ITPR2: variants seen among roughly 807,000 people sequenced by gnomAD.
ITPR2 encodes inositol 1,4,5-trisphosphate receptor type 2.
In ITPR2, 207 loss-of-function variants were observed where a neutral mutation model predicts 317.1. That is an observed-to-expected ratio of 0.65 (90% CI 0.58 to 0.73). The LOEUF (loss-of-function observed/expected upper bound fraction) is 0.73. Ranked by LOEUF, ITPR2 falls within the 30% of genes least tolerant of loss-of-function variation. The pLI, the probability that ITPR2 is intolerant of heterozygous loss-of-function variation, is 0.00. For missense variants in ITPR2, 2,613 were observed against 3,284.0 expected, an observed-to-expected ratio of 0.80 and a Z score of 4.99; for synonymous variants, 1,156 against 1,149.1, an observed-to-expected ratio of 1.01 and a Z score of -0.12.
intron 32 of ITPR2, 101 bp downstream of exon 32, chr12:26,595,364 T>A (rs1039372125): frequency 1.1e-5 from 12 of 1,122,410 alleles, no homozygotes; most frequent in Admixed American, 7.6e-5. Context: ...ATGCAACAAA[T>A]CAAAAGGTAG....
At position 26,666,632 on chromosome 12, in the gene ITPR2, G is replaced by A. The variant is rs181922470; in HGVS notation, c.1410-581C>T. 2.0e-5 allele frequency among the ~76,000 whole-genome samples: 3 copies of A among 152,214 alleles called. No homozygotes were observed. In the East Asian group the frequency reaches 5.8e-4, roughly 29 times the overall value. On this transcript the variant is annotated intron_variant, in intron 13 of 56. Transcript: ENST00000381340. ...TGTACAGAACAGGAAAAACTTAAAT[G>A]ACCTATGAATAGAGACAGAGTAAGC... is the stretch of plus-strand genomic sequence containing the variant.
In ITPR2 at chr12:26,745,614, C is replaced by T. The variant is rs972411289; in HGVS notation, c.164-19849G>A. The stretch of plus-strand genomic sequence containing the variant: ...TAACAAATTCCTCACTTACCAAAGG[C>T]ATATAAGTCTATAGGGGAATTACAA... On this transcript the variant is annotated intron_variant, in intron 2 of 56. Transcript: ENST00000381340. 2.6e-4 allele frequency among the ~76,000 whole-genome samples: 40 copies of T among 152,274 alleles called. 1 individual carries two copies. Among genetic ancestry groups the T allele is most frequent in the African/African-American group, 9.4e-4 (39 of 41,552 alleles).
At chr12:26,526,284 T>C (rs1302106363) in intron 37 of ITPR2, among the ~76,000 whole-genome samples, 2 of 152,160 alleles carry the variant, frequency 1.3e-5, no homozygotes, top group East Asian at 1.9e-4. Context: ...AGAAAGGCAT[T>C]TGTGCTGAGA....
intron 1 of ITPR2, among the ~76,000 whole-genome samples, chr12:26,810,061 G>A (rs1004866410): frequency 3.3e-5 from 5 of 152,274 alleles, no homozygotes; most frequent in East Asian, 1.9e-4. Context: ...CTCCTGCCAG[G>A]GGAAGTAAGA....
chr12:26,423,960 G>A (rs914916699), intron 49 of ITPR2, among the ~76,000 whole-genome samples: 11 of 152,176 alleles, frequency 7.2e-5, no homozygotes, highest in African/African-American at 2.4e-4. Flanking sequence ...CCAGTACTAA[G>A]TTGTTATAAC....
chr12:26,619,232 A>C (rs1021367020), intron 26 of ITPR2, among the ~76,000 whole-genome samples: 1 of 152,232 alleles, frequency 6.6e-6, no homozygotes, highest in Non-Finnish European at 1.5e-5. Flanking sequence ...AAAATTTCAT[A>C]ATTCCATATC....
chr12:26,820,312 G>A (rs1367506700), intron 1 of ITPR2, among the ~76,000 whole-genome samples: 2 of 152,128 alleles, frequency 1.3e-5, no homozygotes, highest in Non-Finnish European at 2.9e-5. Context: ...AGGAACTGAT[G>A]TTAACAGCTA....
chr12:26,808,039 C>T (rs1056096726), intron 1 of ITPR2, among the ~76,000 whole-genome samples: 6 of 152,186 alleles, frequency 3.9e-5, no homozygotes, highest in African/African-American at 1.4e-4. Flanking sequence ...AGTGCTTTTA[C>T]AAAGGCACAT....
chr12:26,477,802 A>G (rs1311512575), intron 43 of ITPR2, among the ~76,000 whole-genome samples: 1 of 152,164 alleles, frequency 6.6e-6, no homozygotes, highest in African/African-American at 2.4e-5. Context: ...AAAGCACAAT[A>G]TCCTAAACAT....
At position 26,669,648 on chromosome 12, in the gene ITPR2, C is replaced by T. The variant is rs145975490; in HGVS notation, c.1410-3597G>A. ...AGAAGACCGGTGATTTCTGCATTTC[C>T]ATCTGAGGTACCGGGTTCATCTCAC... On this transcript the variant is annotated intron_variant, in intron 13 of 56. Transcript: ENST00000381340. 1.1e-3 allele frequency among the ~76,000 whole-genome samples: 175 copies of T among 152,336 alleles called. 1 individual carries two copies. Among genetic ancestry groups the T allele is most frequent in the African/African-American group, 4.1e-3 (171 of 41,578 alleles).
chr12:26,578,560 A>G lies in ITPR2; in HGVS notation c.4630+153T>C, dbSNP rs76957923. ...TCCTCCCAAAAAGTATGCAACATTC[A>G]GAATCATTTGCTGATGGCTGCTCTT... On this transcript the variant is annotated intron_variant, in intron 34 of 56. Coordinates refer to ENST00000381340, the MANE Select transcript of ITPR2 (RefSeq NM_002223.4). 9.7e-3 allele frequency among the ~76,000 whole-genome samples: 1,473 copies of G among 152,338 alleles called. 13 individuals carry two copies. The highest frequency in any genetic ancestry group is 0.024 in the African/African-American group (994 of 41,584).
chr12:26,743,270 AG>A (rs1440930196), intron 2 of ITPR2, among the ~76,000 whole-genome samples: 1 of 152,222 alleles, frequency 6.6e-6, no homozygotes, highest in Admixed American at 6.5e-5. Flanking sequence ...CCTTTGGCAG[AG>A]GAACCTCTGC....
rs1942687932 is a variant in ITPR2 at position 26,487,082 on chromosome 12, C to T, written c.5540G>A (p.Gly1847Asp). 3 of 1,611,958 alleles carry T rather than the reference C, an allele frequency of 1.9e-6. No individual in the cohort carries two copies. The highest frequency in any genetic ancestry group is 1.7e-4 in the Middle Eastern group (1 of 6,044). ...TACTTCTTTACCTCTCATTCGTGGA[C>T]CAGATGTCATCAATTCATTGTCATC... ...RDDDNELMTS[G>D]PRMRVRDSTL... Residue 1847 changes from glycine (G) to aspartate (D), a missense_variant, in exon 40 of 57, where the codon GGT (glycine) becomes GAT (aspartate). Gly to Asp is a moderately conservative substitution (Grantham distance 94). This residue lies in a region of ITPR2 where 926 missense variants were observed against 1,072.8 expected (regional missense o/e 0.86). Transcript: ENST00000381340.
At chr12:26,404,811 A>G (rs1940295303) in intron 52 of ITPR2, among the ~76,000 whole-genome samples, 2 of 152,176 alleles carry the variant, frequency 1.3e-5, no homozygotes, top group African/African-American at 4.8e-5. Context: ...GTGGCCAGGA[A>G]GTAATGATAA....
chr12:26,783,984 G>A (rs979606864), intron 2 of ITPR2, among the ~76,000 whole-genome samples: 1 of 151,380 alleles, frequency 6.6e-6, no homozygotes. Flanking sequence ...AACAGGAAAA[G>A]GACTTTAGTG....
intron 37 of ITPR2, among the ~76,000 whole-genome samples, chr12:26,536,823 C>A (rs766114715): frequency 1.3e-5 from 2 of 152,142 alleles, no homozygotes; most frequent in Non-Finnish European, 2.9e-5. Context: ...TGGATGAGAG[C>A]AATTGACTGG....
At chr12:26,381,239 G>A (rs774651200) in intron 55 of ITPR2, among the ~76,000 whole-genome samples, 9 of 152,196 alleles carry the variant, frequency 5.9e-5, no homozygotes, top group Non-Finnish European at 1.3e-4. Flanking sequence ...CAAAAGAAGG[G>A]ACAGATAGCA....
intron 9 of ITPR2, among the ~76,000 whole-genome samples, chr12:26,697,101 G>A (rs1948365916): frequency 6.6e-6 from 1 of 152,202 alleles, no homozygotes; most frequent in South Asian, 2.1e-4. Context: ...ACCCAGGTGT[G>A]TAGAGTCCAT....
At chr12:26,719,377 C>T (rs1246141698) in intron 5 of ITPR2, among the ~76,000 whole-genome samples, 1 of 152,186 alleles carries the variant, frequency 6.6e-6, no homozygotes, top group Admixed American at 6.5e-5. Flanking sequence ...ATCACATTCA[C>T]TCTAGTACAC....
Sources: gnomAD v4.1 joint callset for allele counts (sites outside exome capture counted in the v4.1 genomes callset) on GRCh38, gnomAD v4.1.1 for gene constraint, gnomAD v4.1.1 regional missense constraint, MANE v1.5 for transcripts, NCBI Gene and HGNC (gene_info 2026-07-23, HGNC 2026-07-21) for gene names.